Variants in DCP2 observed in about 807,000 individuals in gnomAD.
DCP2 encodes m7GpppN-mRNA hydrolase.
In DCP2, 30 loss-of-function variants were observed where a neutral mutation model predicts 56.1. The ratio of observed to expected loss-of-function variants is 0.53; its 90% CI spans 0.40 to 0.73. The LOEUF is 0.73. Among genes scored for constraint, DCP2 ranks in the 30% least tolerant of loss-of-function variants. DCP2 has a pLI of 0.00. For missense variants in DCP2, 533 were observed against 502.7 expected, an observed-to-expected ratio of 1.06 and a Z score of -0.58; for synonymous variants, 197 against 163.3, an observed-to-expected ratio of 1.21 and a Z score of -1.57.
chr5:113,007,517 C>T (rs1040358140), intron 8 of DCP2, among the ~76,000 whole-genome samples: 3 of 151,988 alleles, frequency 2.0e-5, no homozygotes, highest in African/African-American at 7.3e-5. Context: ...TCTTCTGCCT[C>T]TGCCTCCTGA....
chr5:113,002,675 A>G (rs1749234736), intron 7 of DCP2, among the ~76,000 whole-genome samples: 1 of 151,962 alleles, frequency 6.6e-6, no homozygotes, highest in Non-Finnish European at 1.5e-5. Flanking sequence ...AGATGCCACT[A>G]AGCCTGGCTA....
At position 112,985,941 on chromosome 5, in the gene DCP2, A is replaced by G. The variant is rs758352574; in HGVS notation, c.160A>G (p.Thr54Ala). The change falls in exon 2 of 11, where the codon ACA (threonine) becomes GCA (alanine). Residue 54 changes from threonine to alanine, a missense_variant. Thr to Ala is a moderately conservative substitution (Grantham distance 58). Transcript: ENST00000389063. ...TTACTTGGATTTCTACATGCAGAAC[A>G]CACCAGGATTACCTCAGTGTGGGAT... ...WFYLDFYMQN[T>A]PGLPQCGIRD... The G allele has an allele frequency of 6.3e-7, 1 of 1,598,128 alleles. No individual in the cohort carries two copies. The highest frequency in any genetic ancestry group is 8.6e-7 in the Non-Finnish European group (1 of 1,167,822).
At chr5:113,013,116 G>A (rs1749747014) in intron 10 of DCP2, among the ~76,000 whole-genome samples, 1 of 152,180 alleles carries the variant, frequency 6.6e-6, no homozygotes, top group Non-Finnish European at 1.5e-5. Context: ...TTTTGAATAT[G>A]TGGAAATAAT....
At chr5:113,003,548 C>T (rs1749278411) in intron 7 of DCP2, among the ~76,000 whole-genome samples, 1 of 152,050 alleles carries the variant, frequency 6.6e-6, no homozygotes, top group Non-Finnish European at 1.5e-5. Context: ...TGCACTCCAG[C>T]CTGGATGACA....
At chr5:113,004,210 C>G (rs979895712) in intron 8 of DCP2, 133 bp downstream of exon 8, 2 of 1,042,900 alleles carry the variant, frequency 1.9e-6, no homozygotes, top group Non-Finnish European at 2.7e-6. Context: ...ATGTTCCTTA[C>G]TTATGATTTG....
intron 1 of DCP2, among the ~76,000 whole-genome samples, chr5:112,983,712 A>G (rs1748119194): frequency 6.6e-6 from 1 of 152,228 alleles, no homozygotes; most frequent in Non-Finnish European, 1.5e-5. Flanking sequence ...AAAAAAGGTC[A>G]TATACAAAAC....
intron 10 of DCP2, among the ~76,000 whole-genome samples, chr5:113,012,675 G>T (rs886941890): frequency 3.3e-5 from 5 of 151,542 alleles, no homozygotes; most frequent in Admixed American, 2.6e-4. Flanking sequence ...ACAGAGTCTT[G>T]CTGTGTCACC....
In DCP2 at chr5:112,993,642, A is replaced by C. The variant is rs12515386; in HGVS notation, c.432+872A>C. Among the ~76,000 whole-genome samples the C allele has an allele frequency of 6.8e-4, 71 of 104,122 alleles. 1 individual carries two copies. Among genetic ancestry groups the C allele is most frequent in the African/African-American group, 2.0e-3 (62 of 31,700 alleles). The allele number at this position is 104,122 out of a possible 152,430, so 68.3% of individuals were successfully genotyped here. A position where few individuals can be genotyped will look rare whatever the true frequency, so the allele number is the denominator to read the frequency against. ...ACTATCTCAAAAAAAAAAAAAAACCAAAAAAAAAAAACCAAAATTTTTTTT... is the reference window on the plus strand; with the variant it reads ...ACTATCTCAAAAAAAAAAAAAAACCCAAAAAAAAAAACCAAAATTTTTTTT... On this transcript the variant is annotated intron_variant, in intron 4 of 10. Transcript: ENST00000389063.
At chr5:112,984,703 A>ATATATATATATATATATAT (rs1554098980) in intron 1 of DCP2, 117 of 64,776 alleles carry the variant, frequency 1.8e-3, no homozygotes, top group Non-Finnish European at 2.7e-3. Context: ...AAAAAAAAAA[A>ATATATATATATATATATAT]ATATATATAT....
chr5:112,991,344 G>A (rs1339099046), intron 2 of DCP2, among the ~76,000 whole-genome samples: 2 of 152,132 alleles, frequency 1.3e-5, no homozygotes, highest in South Asian at 4.1e-4. Context: ...TAGTGATGGG[G>A]CATTCGATAG....
At chr5:112,977,297 G>C (rs1460320062) in intron 1 of DCP2, among the ~76,000 whole-genome samples, 1 of 151,978 alleles carries the variant, frequency 6.6e-6, no homozygotes, top group African/African-American at 2.4e-5. Flanking sequence ...TTAGCGTTTT[G>C]CCGCCGCCGC....
At chr5:112,989,082 A>C (rs146916332) in intron 2 of DCP2, among the ~76,000 whole-genome samples, 1 of 152,232 alleles carries the variant, frequency 6.6e-6, no homozygotes, top group Non-Finnish European at 1.5e-5. Flanking sequence ...CAGTGAAGAG[A>C]GTAGACTCAG....
intron 4 of DCP2, among the ~76,000 whole-genome samples, chr5:112,996,145 A>AGCAGT (rs1748837262): frequency 1.3e-5 from 2 of 152,224 alleles, no homozygotes; most frequent in Admixed American, 1.3e-4. Flanking sequence ...TTTAGTCCAT[A>AGCAGT]GCAGTGGCCT....
chr5:112,977,104 C>A (rs1482991275), intron 1 of DCP2, 118 bp downstream of exon 1: 11 of 714,532 alleles, frequency 1.5e-5, no homozygotes, highest in South Asian at 2.8e-5. Flanking sequence ...CCGCTCCCGC[C>A]GCTGCTCGCT....
At chr5:113,010,625 G>C in intron 9 of DCP2, 131 bp from the exon 10 acceptor site, 2 of 1,070,986 alleles carry the variant, frequency 1.9e-6, no homozygotes, top group Non-Finnish European at 2.5e-6. Context: ...AGAATGGGAT[G>C]ATGATTATAT....
intron 10 of DCP2, among the ~76,000 whole-genome samples, chr5:113,013,012 T>C (rs1749741883): frequency 6.6e-6 from 1 of 152,212 alleles, no homozygotes; most frequent in South Asian, 2.1e-4. Flanking sequence ...TGTAACAGAA[T>C]GCACATAAAA....
At position 113,018,876 on chromosome 5, in the gene DCP2, T is replaced by C. The variant is rs866126871; in HGVS notation, c.*5392T>C. On this transcript the variant is annotated 3_prime_UTR_variant, in exon 11 of 11. Transcript: ENST00000389063. ...GACTTGCAAGCAGTGATTTTATCTT[T>C]CCTTCCTGAGAAGGTGATCTCACTT... 1.9e-4 allele frequency: 29 copies of C among 152,214 alleles called. No individual in the cohort carries two copies. Among genetic ancestry groups the C allele is most frequent in the African/African-American group, 7.0e-4 (29 of 41,446 alleles). 9.4% of individuals were successfully genotyped at this position (152,214 alleles called of 1,614,324 possible).
Position 112,990,838 on chromosome 5 carries a change from T to C in DCP2, c.206-1283T>C, listed in dbSNP as rs1482830577. 2.0e-5 allele frequency among the ~76,000 whole-genome samples: 3 copies of C among 152,258 alleles called. 1 individual carries two copies. Among genetic ancestry groups the C allele is most frequent in the African/African-American group, 4.8e-5 (2 of 41,582 alleles). On this transcript the variant is annotated intron_variant, in intron 2 of 10. Transcript: ENST00000389063. ...ATGAAACAAATTTTAAATTACAGAA[T>C]TGTAGAACATGTAAAATTCAAATTA...
At chr5:113,008,509 A>T (rs918004849) in intron 9 of DCP2, among the ~76,000 whole-genome samples, 1 of 152,152 alleles carries the variant, frequency 6.6e-6, no homozygotes, top group African/African-American at 2.4e-5. Flanking sequence ...TTGTTTAGTC[A>T]GTCCTCCAAA....
Sources: gnomAD v4.1 joint callset for allele counts (sites outside exome capture counted in the v4.1 genomes callset) on GRCh38, gnomAD v4.1.1 for gene constraint, MANE v1.5 for transcripts, NCBI Gene and HGNC (gene_info 2026-07-23, HGNC 2026-07-21) for gene names.